SLC5A9: variants seen among roughly 807,000 people sequenced by gnomAD.
SLC5A9 encodes sodium/glucose cotransporter 4.
A neutral mutation model predicts 70.9 loss-of-function variants in SLC5A9; 59 were observed. The observed-to-expected ratio is 0.83, with a 90% CI of 0.68 to 1.03. The LOEUF (loss-of-function observed/expected upper bound fraction) is 1.03. Among genes scored for constraint, SLC5A9 ranks in the 50% least tolerant of loss-of-function variants. The probability of loss-of-function intolerance (pLI) is 0.00; values close to 1 mark genes in which losing one functional copy is unlikely to be tolerated. For synonymous variants in SLC5A9, 340 were observed against 346.5 expected, an observed-to-expected ratio of 0.98 and a Z score of 0.21; for missense variants, 832 against 881.1, an observed-to-expected ratio of 0.94 and a Z score of 0.71.
At chr1:48,245,278 C>T (rs1023064148) in intron 13 of SLC5A9, among the ~76,000 whole-genome samples, 3 of 151,980 alleles carry the variant, frequency 2.0e-5, no homozygotes, top group African/African-American at 7.3e-5. Flanking sequence ...AAGGAGACAG[C>T]TTGTACTTTC....
At chr1:48,229,791 C>T (rs981518726) in intron 4 of SLC5A9, among the ~76,000 whole-genome samples, 1 of 152,146 alleles carries the variant, frequency 6.6e-6, no homozygotes, top group African/African-American at 2.4e-5. Flanking sequence ...TTTAGTCCTC[C>T]TCTACTGACC....
At chr1:48,226,422 T>C (rs1644147643) in intron 2 of SLC5A9, among the ~76,000 whole-genome samples, 1 of 152,020 alleles carries the variant, frequency 6.6e-6, no homozygotes, top group South Asian at 2.1e-4. Flanking sequence ...AGGTTCCCAC[T>C]GCGCCCCAAA....
chr1:48,223,095 G>A (rs1644095398), intron 1 of SLC5A9, among the ~76,000 whole-genome samples, 197 bp downstream of exon 1: 1 of 151,718 alleles, frequency 6.6e-6, no homozygotes, highest in Non-Finnish European at 1.5e-5. Flanking sequence ...TGGCTGGTCT[G>A]AGGTCACACA....
intron 1 of SLC5A9, among the ~76,000 whole-genome samples, chr1:48,224,447 A>G (rs1347585754): frequency 2.0e-5 from 3 of 152,200 alleles, no homozygotes; most frequent in Non-Finnish European, 2.9e-5. Context: ...ACAAGAGTGC[A>G]CAATCAATGG....
chr1:48,229,440 A>G lies in SLC5A9; in HGVS notation c.485A>G (p.Tyr162Cys), dbSNP rs763702226. The G allele has an allele frequency of 7.2e-5, 117 of 1,613,820 alleles. No homozygotes were observed. In the Admixed American group the frequency reaches 1.7e-3, roughly 23 times the overall value. Residue 162 changes from tyrosine (Y) to cysteine (C), a missense_variant, in exon 4 of 14, where the codon TAC becomes TGC. Coordinates refer to ENST00000438567, the MANE Select transcript of SLC5A9 (RefSeq NM_001011547.3). ...VYMSVLSLIL[Y>C]IFTKISTDIF... ...ATGTCTGTCCTGTCTCTCATCCTCT[A>G]CATCTTCACCAAGATCTCGGTAGGT...
At chr1:48,233,295 A>G (rs1644279661) in intron 8 of SLC5A9, among the ~76,000 whole-genome samples, 1 of 123,834 alleles carries the variant, frequency 8.1e-6, no homozygotes. Flanking sequence ...CAGGAGGTGG[A>G]GGTTGTAGTG....
At chr1:48,222,972 T>C in intron 1 of SLC5A9, 74 bp downstream of exon 1, 1 of 1,517,318 alleles carries the variant, frequency 6.6e-7, no homozygotes, top group East Asian at 2.3e-5. Flanking sequence ...GCTGTGGAGC[T>C]GGGGCAGGGC....
Position 48,239,584 on chromosome 1 carries a change from C to T in SLC5A9, c.1677+47C>T, listed in dbSNP as rs765559359. On this transcript the variant is annotated intron_variant, in intron 12 of 13. Coordinates refer to ENST00000438567, the MANE Select transcript of SLC5A9 (RefSeq NM_001011547.3). The surrounding 1 kb of genome is among the most constrained non-coding windows in gnomAD (Gnocchi z 4.2). ...AGGCCCTCCAGAAATGCTCTCCCTT[C>T]CCCCATAGCCTAGAATTCCACTGCT... 6.5e-7 allele frequency: 1 copy of T among 1,543,292 alleles called. No homozygotes were observed. The highest frequency in any genetic ancestry group is 9.0e-7 in the Non-Finnish European group (1 of 1,116,546).
At chr1:48,244,361 G>C (rs1477087521) in intron 13 of SLC5A9, among the ~76,000 whole-genome samples, 1 of 152,074 alleles carries the variant, frequency 6.6e-6, no homozygotes, top group Non-Finnish European at 1.5e-5. Context: ...CAGGTTTTAG[G>C]GGCCCTATAC....
rs1346867446 is a variant in SLC5A9, at chr1:48,248,446, T to G, written c.*903T>G. ...ACTGTGACCCCAGTTAAGTGTCCCT[T>G]CGCCAGGAAGCTGCCGCAACGTCCA... On this transcript the variant is annotated 3_prime_UTR_variant, in exon 14 of 14. Coordinates refer to ENST00000438567, the MANE Select transcript of SLC5A9 (RefSeq NM_001011547.3). 1.3e-5 allele frequency: 2 copies of G among 152,326 alleles called. No homozygotes were observed. The highest frequency in any genetic ancestry group is 4.8e-5 in the African/African-American group (2 of 41,444). The allele number at this position is 152,326 out of a possible 1,614,324, so 9.4% of individuals were successfully genotyped here.
intron 13 of SLC5A9, among the ~76,000 whole-genome samples, 157 bp downstream of exon 13, chr1:48,242,773 C>T (rs1644407789): frequency 6.6e-6 from 1 of 152,178 alleles, no homozygotes; most frequent in Admixed American, 6.5e-5. Context: ...AAAAATAAGA[C>T]AAATGAGTCA....
chr1:48,229,459 G>A lies in SLC5A9; in HGVS notation c.504G>A (p.Ser168=), dbSNP rs562350789. Residue 168 remains serine (S), a splice_region_variant and synonymous_variant, in exon 4 of 14, where the codon TCG becomes TCA. Coordinates refer to ENST00000438567, the MANE Select transcript of SLC5A9 (RefSeq NM_001011547.3). The part of the protein sequence containing the change: ...SLILYIFTKI[S]TDIFSGALFI... ...TCCTCTACATCTTCACCAAGATCTCGGTAGGTGTCACTGCAATGTGGTCAC... is the reference window on the plus strand; with the variant it reads ...TCCTCTACATCTTCACCAAGATCTCAGTAGGTGTCACTGCAATGTGGTCAC... 1.5e-5 allele frequency: 24 copies of A among 1,613,948 alleles called. 1 individual carries two copies. The highest frequency in any genetic ancestry group is 1.2e-4 in the South Asian group (11 of 91,064).
chr1:48,229,419 C>G lies in SLC5A9; in HGVS notation c.464C>G (p.Ser155Cys), dbSNP rs1286489866. The stretch of plus-strand genomic sequence containing the variant: ...GGCCAGAGGATCCAGGTGTACATGT[C>G]TGTCCTGTCTCTCATCCTCTACATC... ...FGGQRIQVYM[S>C]VLSLILYIFT... Residue 155 changes from serine (S) to cysteine (C), a missense_variant, in exon 4 of 14, where the codon TCT becomes TGT. Transcript: ENST00000438567. 2 of 1,614,152 alleles carry G rather than the reference C, an allele frequency of 1.2e-6. No individual in the cohort carries two copies. The highest frequency in any genetic ancestry group is 3.3e-5 in the Admixed American group (2 of 60,030).
chr1:48,239,999 T>G lies in SLC5A9; in HGVS notation c.1677+462T>G, dbSNP rs1315875117. On this transcript the variant is annotated intron_variant, in intron 12 of 13. Coordinates refer to ENST00000438567, the MANE Select transcript of SLC5A9 (RefSeq NM_001011547.3). This position sits in a 1 kb window ranked among gnomAD's most constrained non-coding sequence, Gnocchi z 4.2. The stretch of plus-strand genomic sequence containing the variant: ...AATTTTTGAGTGGGCAAGAAACAAA[T>G]ACAAGAGAAAAGAAACAGAGAGCTT... Among the ~76,000 whole-genome samples the G allele has an allele frequency of 6.6e-6, 1 of 152,066 alleles. No individual in the cohort carries two copies. The highest frequency in any genetic ancestry group is 1.5e-5 in the Non-Finnish European group (1 of 68,022).
Position 48,228,926 on chromosome 1 carries a change from G to C in SLC5A9, c.311G>C (p.Gly104Ala), listed in dbSNP as rs1490832528. Residue 104 changes from glycine (G) to alanine (A), a missense_variant, in exon 3 of 14, where the codon GGC becomes GCC. Coordinates refer to ENST00000438567, the MANE Select transcript of SLC5A9 (RefSeq NM_001011547.3). ...CTGGCTGGGACAGGGGCTGCCGGAG[G>C]CCTTGCCGTAGGTGGCTTCGAGTGG... ...IGLAGTGAAG[G>A]LAVGGFEWNA... 1 of 1,613,488 alleles carries C rather than the reference G, an allele frequency of 6.2e-7. No homozygotes were observed. Among genetic ancestry groups the C allele is most frequent in the East Asian group, 2.2e-5 (1 of 44,872 alleles).
intron 10 of SLC5A9, among the ~76,000 whole-genome samples, 185 bp from the exon 11 acceptor site, chr1:48,237,494 A>G (rs75574485): frequency 0.015 from 2,272 of 152,220 alleles, 33 homozygotes; most frequent in Non-Finnish European, 0.026. Context: ...AAATTCCTAT[A>G]TTCTGGGATT....
Position 48,247,833 on chromosome 1 carries a change from C to T in SLC5A9, c.*290C>T. On this transcript the variant is annotated 3_prime_UTR_variant, in exon 14 of 14. Transcript: ENST00000438567. ...CCTACCTCAAACACACTGTTTCCACCCTCTTCTTGAATGTATTCAGTAGCC... is the reference window on the plus strand; with the variant it reads ...CCTACCTCAAACACACTGTTTCCACTCTCTTCTTGAATGTATTCAGTAGCC... The T allele has an allele frequency of 2.2e-6, 1 of 447,938 alleles. No individual in the cohort carries two copies. Among genetic ancestry groups the T allele is most frequent in the Non-Finnish European group, 4.1e-6 (1 of 245,566 alleles). The allele number at this position is 447,938 out of a possible 1,614,324, so 27.7% of individuals were successfully genotyped here.
chr1:48,244,910 A>ATATATATATATATATATAT (rs56780309), intron 13 of SLC5A9, among the ~76,000 whole-genome samples: 67 of 110,596 alleles, frequency 6.1e-4, no homozygotes, highest in African/African-American at 9.2e-4. Context: ...ATATATATAT[A>ATATATATATATATATATAT]AAACCTCTGT....
chr1:48,241,702 T>TTCTCTC (rs61544545), intron 12 of SLC5A9, among the ~76,000 whole-genome samples: 23 of 149,484 alleles, frequency 1.5e-4, no homozygotes, highest in East Asian at 1.0e-3. Context: ...TGTGTACATG[T>TTCTCTC]TCTCTCTCTC....
Sources: allele counts gnomAD v4.1 joint callset (sites outside exome capture counted in the v4.1 genomes callset), GRCh38; gene constraint gnomAD v4.1.1; non-coding constraint Gnocchi (gnomAD v3.1); transcripts MANE v1.5; gene names NCBI Gene and HGNC (gene_info 2026-07-23, HGNC 2026-07-21).